Variants in TENM3 observed in about 807,000 individuals in gnomAD.
TENM3 encodes teneurin transmembrane protein 3.
In TENM3, 63 loss-of-function variants were observed where a neutral mutation model predicts 255.1. The ratio of observed to expected loss-of-function variants is 0.25; its 90% CI spans 0.20 to 0.30. The LOEUF is 0.30. TENM3 is among the 10% of genes least tolerant of loss of function. The pLI is 1.00. For missense variants in TENM3, 2,929 were observed against 3,461.1 expected, an observed-to-expected ratio of 0.85 and a Z score of 3.86; for synonymous variants, 1,306 against 1,322.3, an observed-to-expected ratio of 0.99 and a Z score of 0.27.
At chr4:182,470,890 A>G (rs1469411796) in intron 3 of TENM3, among the ~76,000 whole-genome samples, 2 of 152,218 alleles carry the variant, frequency 1.3e-5, no homozygotes, top group African/African-American at 4.8e-5. Context: ...GAATACAACA[A>G]TTACCGGGTG....
the TENM3 span, among the ~76,000 whole-genome samples, chr4:181,562,450 C>A: frequency 6.6e-6 from 1 of 152,162 alleles, no homozygotes; most frequent in Non-Finnish European, 1.5e-5. Context: ...AAAATTAATT[C>A]TCTCACACAT....
At chr4:182,158,733 G>T (rs888310815) in intron 1 of TENM3, among the ~76,000 whole-genome samples, 3 of 152,034 alleles carry the variant, frequency 2.0e-5, no homozygotes, top group African/African-American at 7.3e-5. Flanking sequence ...TCAATACAAG[G>T]CTCTTGACCC....
chr4:181,556,739 T>C, the TENM3 span, among the ~76,000 whole-genome samples: 2 of 151,712 alleles, frequency 1.3e-5, no homozygotes, highest in African/African-American at 4.9e-5. Context: ...GTAAAATTCA[T>C]CTGTTATTCT....
At chr4:181,567,223 C>G in the TENM3 span, among the ~76,000 whole-genome samples, 4 of 152,190 alleles carry the variant, frequency 2.6e-5, no homozygotes, top group African/African-American at 7.2e-5. Flanking sequence ...AAGGATCACC[C>G]CATCACCTTC....
chr4:181,603,325 T>G, the TENM3 span, among the ~76,000 whole-genome samples: 33 of 152,116 alleles, frequency 2.2e-4, no homozygotes, highest in Admixed American at 5.2e-4. Flanking sequence ...GTTGGGGGCG[T>G]CTATGGAAGT....
chr4:182,319,529 C>T (rs2150472954), intron 1 of TENM3, among the ~76,000 whole-genome samples: 1 of 152,318 alleles, frequency 6.6e-6, no homozygotes, highest in Non-Finnish European at 1.5e-5. Flanking sequence ...TAATCAAATA[C>T]TACATCTTGA....
the TENM3 span, among the ~76,000 whole-genome samples, chr4:181,769,983 A>G: frequency 2.0e-5 from 3 of 152,108 alleles, no homozygotes; most frequent in Non-Finnish European, 4.4e-5. Flanking sequence ...TTGGAAAATA[A>G]AATACAGTTG....
chr4:182,107,151 T>TACACACCC, the TENM3 span, among the ~76,000 whole-genome samples: 1 of 145,964 alleles, frequency 6.9e-6, no homozygotes, highest in Non-Finnish European at 1.5e-5. Flanking sequence ...AAACAGAACA[T>TACACACCC]ACACACACAC....
At chr4:182,117,858 G>C in the TENM3 span, among the ~76,000 whole-genome samples, 1 of 152,096 alleles carries the variant, frequency 6.6e-6, no homozygotes, top group Non-Finnish European at 1.5e-5. Context: ...CAGTTGAATT[G>C]AATCTGTAGA....
chr4:182,532,431 T>C lies in TENM3; in HGVS notation c.512-68493T>C, dbSNP rs1225278793. On this transcript the variant is annotated intron_variant, in intron 3 of 27. Coordinates refer to ENST00000511685, the MANE Select transcript of TENM3 (RefSeq NM_001080477.4). ...ATTATTGTCTTTCTTGTGTTAGACA[T>C]GCCATTACTTTTCCTGGATTAATCG... 2.6e-5 allele frequency among the ~76,000 whole-genome samples: 4 copies of C among 152,356 alleles called. No individual in the cohort carries two copies. The East Asian group carries it at 5.8e-4, about 22-fold the overall frequency.
intron 3 of TENM3, among the ~76,000 whole-genome samples, chr4:182,400,657 A>G (rs1319112181): frequency 6.6e-6 from 1 of 152,238 alleles, no homozygotes; most frequent in Non-Finnish European, 1.5e-5. Context: ...TAGCAAAATC[A>G]TGGATTTGAA....
the TENM3 span, among the ~76,000 whole-genome samples, chr4:181,787,162 C>A: frequency 3.9e-5 from 6 of 152,142 alleles, no homozygotes; most frequent in Non-Finnish European, 7.3e-5. Flanking sequence ...TGTTCCACCC[C>A]CTCTGGTTTG....
chr4:182,109,579 G>T, the TENM3 span, among the ~76,000 whole-genome samples: 4 of 152,234 alleles, frequency 2.6e-5, no homozygotes, highest in Admixed American at 6.5e-5. Flanking sequence ...TGAAGTGTAC[G>T]ATATTGCTTC....
At chr4:181,767,557 T>C in the TENM3 span, among the ~76,000 whole-genome samples, 1 of 152,110 alleles carries the variant, frequency 6.6e-6, no homozygotes, top group Non-Finnish European at 1.5e-5. Flanking sequence ...TCTATGTATA[T>C]GGCTTTTGAA....
the TENM3 span, among the ~76,000 whole-genome samples, chr4:181,874,826 C>G: frequency 6.6e-6 from 1 of 152,222 alleles, no homozygotes; most frequent in African/African-American, 2.4e-5. Flanking sequence ...TCTACTTGGG[C>G]TCTGCTTCTT....
upstream of TENM3, among the ~76,000 whole-genome samples, chr4:182,140,241 C>T (rs1254008378): frequency 1.3e-5 from 2 of 152,184 alleles, no homozygotes; most frequent in Non-Finnish European, 2.9e-5. Context: ...CCTCAGGTGC[C>T]TAGAATTTGG....
chr4:182,017,875 C>T, the TENM3 span, among the ~76,000 whole-genome samples: 1 of 152,156 alleles, frequency 6.6e-6, no homozygotes, highest in Non-Finnish European at 1.5e-5. Context: ...ACTAAAGTCA[C>T]TTTATAATTT....
At chr4:182,200,981 C>T (rs941151282) in intron 1 of TENM3, among the ~76,000 whole-genome samples, 14 of 152,074 alleles carry the variant, frequency 9.2e-5, no homozygotes, top group African/African-American at 2.4e-4. Context: ...TACACCACCA[C>T]GCCCAGCTAA....
intron 3 of TENM3, among the ~76,000 whole-genome samples, chr4:182,358,038 C>T (rs578256056): frequency 0.038 from 5,625 of 148,816 alleles, 300 homozygotes; most frequent in African/African-American, 0.12. Flanking sequence ...AGATATGCGG[C>T]GTTATTTCTG....
Sources: allele counts gnomAD v4.1 joint callset (sites outside exome capture counted in the v4.1 genomes callset), GRCh38; gene constraint gnomAD v4.1.1; transcripts MANE v1.5; gene names NCBI Gene and HGNC (gene_info 2026-07-23, HGNC 2026-07-21).